The following CACNG7 variants were observed in gnomAD, a reference collection of about 807,000 sequenced individuals.
CACNG7 encodes calcium voltage-gated channel auxiliary subunit gamma 7.
A neutral mutation model predicts 26.3 loss-of-function variants in CACNG7; 9 were observed. That is an observed-to-expected ratio of 0.34 (90% confidence interval 0.21 to 0.60). The LOEUF is 0.60. Ranked by LOEUF, CACNG7 falls within the 20% of genes least tolerant of loss-of-function variation. The pLI is 0.81. For missense variants in CACNG7, 297 were observed against 380.4 expected (o/e 0.78, Z 1.82); for synonymous variants, 170 against 157.0 (o/e 1.08, Z -0.62).
At chr19:53,933,504 TTTGG>T (rs2145917006) in intron 4 of CACNG7, among the ~76,000 whole-genome samples, 1 of 148,196 alleles carries the variant, frequency 6.7e-6, no homozygotes, top group African/African-American at 2.5e-5. Flanking sequence ...TTCACCATGT[TTTGG>T]ACAGGCTGGT....
Position 53,940,786 on chromosome 19 carries a change from G to A in CACNG7, c.425-684G>A, listed in dbSNP as rs746083788. ...CTCATCCTTTAAGGCCGGGCGCGGT[G>A]GCTCAAACCTGTAATCTTAGCATTT... On this transcript the variant is annotated intron_variant, in intron 4 of 5. Transcript: ENST00000391767. The surrounding 1 kb of genome is among the most constrained non-coding windows in gnomAD (Gnocchi z 4.1). Among the ~76,000 whole-genome samples, 6 of 152,030 alleles carry A rather than the reference G, an allele frequency of 3.9e-5. No homozygotes were observed. The highest frequency in any genetic ancestry group is 1.3e-4 in the Admixed American group (2 of 15,234).
chr19:53,929,582 G>A (rs1018479379), intron 4 of CACNG7, among the ~76,000 whole-genome samples: 7 of 151,950 alleles, frequency 4.6e-5, no homozygotes, highest in Admixed American at 6.6e-5. Flanking sequence ...TCAGCCTCCC[G>A]AGTAGCTGGG....
At chr19:53,932,252 T>TAA (rs765449244) in intron 4 of CACNG7, among the ~76,000 whole-genome samples, 23 of 53,174 alleles carry the variant, frequency 4.3e-4, no homozygotes, top group African/African-American at 9.4e-4. Context: ...AGGCCCTGTC[T>TAA]AAAAAAAAAA....
intron 4 of CACNG7, among the ~76,000 whole-genome samples, chr19:53,924,518 G>A (rs112363849): frequency 1.3e-5 from 2 of 150,514 alleles, no homozygotes; most frequent in African/African-American, 4.9e-5. Context: ...CTGGTTATTG[G>A]TGGAGTTGCC....
chr19:53,915,335 C>T (rs2068889131), intron 3 of CACNG7, 30 bp from the exon 4 acceptor site: 7 of 1,553,292 alleles, frequency 4.5e-6, no homozygotes, highest in Non-Finnish European at 6.2e-6. Context: ...ATTCCCCCCT[C>T]ACCCCTGTCT....
At chr19:53,929,111 C>CAAAA (rs1157941961) in intron 4 of CACNG7, among the ~76,000 whole-genome samples, 2 of 36,450 alleles carry the variant, frequency 5.5e-5, no homozygotes, top group African/African-American at 1.3e-4. Context: ...GACTCCACCT[C>CAAAA]AAAAAAAAAA....
intron 4 of CACNG7, among the ~76,000 whole-genome samples, chr19:53,927,462 G>A (rs952740969): frequency 1.3e-5 from 2 of 152,122 alleles, no homozygotes; most frequent in South Asian, 4.1e-4. Context: ...TGCCGAAAGG[G>A]TCAGGGGGAA....
At chr19:53,937,653 C>T (rs1359835839) in intron 4 of CACNG7, among the ~76,000 whole-genome samples, 2 of 131,514 alleles carry the variant, frequency 1.5e-5, no homozygotes, top group Non-Finnish European at 1.5e-5. Context: ...TGCAGTGGCA[C>T]GATCTTGACT....
chr19:53,940,268 G>A lies in CACNG7; in HGVS notation c.425-1202G>A, dbSNP rs1159480453. Among the ~76,000 whole-genome samples the A allele has an allele frequency of 1.3e-5, 2 of 152,138 alleles. No individual in the cohort carries two copies. Among genetic ancestry groups the A allele is most frequent in the Non-Finnish European group, 2.9e-5 (2 of 68,030 alleles). ...CTCTATTTCCTCAATTGTAAATGGT[G>A]TTAAAAATGTACCTCCTTCAAAGAG... On this transcript the variant is annotated intron_variant, in intron 4 of 5. Transcript: ENST00000391767. The surrounding 1 kb of genome is among the most constrained non-coding windows in gnomAD (Gnocchi z 4.1).
At chr19:53,941,657 A>G in intron 5 of CACNG7, 42 bp downstream of exon 5, 1 of 1,592,586 alleles carries the variant, frequency 6.3e-7, no homozygotes, top group South Asian at 1.1e-5. Context: ...CTGAATGGAG[A>G]GAGGTCTTGG....
intron 4 of CACNG7, among the ~76,000 whole-genome samples, chr19:53,917,166 C>T (rs939771933): frequency 2.0e-5 from 3 of 152,174 alleles, no homozygotes; most frequent in African/African-American, 7.2e-5. Context: ...CAGTCCAATT[C>T]AGCTAAAATC....
At chr19:53,921,984 C>T (rs1186573798) in intron 4 of CACNG7, among the ~76,000 whole-genome samples, 8 of 51,994 alleles carry the variant, frequency 1.5e-4, no homozygotes, top group East Asian at 4.1e-4. Context: ...GGTGGAGTTG[C>T]CCCAGGCCTG....
At chr19:53,941,825 C>A (rs540884013) in intron 5 of CACNG7, among the ~76,000 whole-genome samples, 5 of 151,946 alleles carry the variant, frequency 3.3e-5, no homozygotes, top group Non-Finnish European at 7.4e-5. Flanking sequence ...GGTCTGGAGA[C>A]TGGGACTCCT....
In CACNG7 at chr19:53,909,975, G is replaced by A. The variant is rs1286804980; in HGVS notation, c.-30+458G>A. Among the ~76,000 whole-genome samples, 1 of 152,138 alleles carries A rather than the reference G, an allele frequency of 6.6e-6. No homozygotes were observed. ...TTCAAATGCCTGAATCCGGGAAAGGGTGGGAGAAAGAGGGAGAAGAGGAGG... is the reference window on the plus strand; with the variant it reads ...TTCAAATGCCTGAATCCGGGAAAGGATGGGAGAAAGAGGGAGAAGAGGAGG... On this transcript the variant is annotated intron_variant, in intron 1 of 5. Coordinates refer to ENST00000391767, the MANE Select transcript of CACNG7 (RefSeq NM_031896.5). This position sits in a 1 kb window ranked among gnomAD's most constrained non-coding sequence, Gnocchi z 5.1.
intron 4 of CACNG7, among the ~76,000 whole-genome samples, chr19:53,925,955 G>A (rs1267536866): frequency 6.6e-6 from 1 of 152,146 alleles, no homozygotes; most frequent in Non-Finnish European, 1.5e-5. Context: ...TTTTTTTCCA[G>A]GTCATAAGAG....
intron 4 of CACNG7, among the ~76,000 whole-genome samples, chr19:53,935,082 C>CAT (rs60940126): frequency 0.072 from 10,926 of 151,596 alleles, 1,326 homozygotes; most frequent in African/African-American, 0.25. Context: ...GTTATATATA[C>CAT]ATATATACAC....
In CACNG7 at chr19:53,942,456, A is replaced by T. The variant is rs1213756033; in HGVS notation, c.*163A>T. On this transcript the variant is annotated 3_prime_UTR_variant, in exon 6 of 6. Coordinates refer to ENST00000391767, the MANE Select transcript of CACNG7 (RefSeq NM_031896.5). This position sits in a 1 kb window ranked among gnomAD's most constrained non-coding sequence, Gnocchi z 5.9. Reference sequence around the variant, plus strand: ...CTCCTCCCAATGGCTCCGCCCACAGACTCCCTTATTTCAATGGCCGCGCCC... The same window carrying T: ...CTCCTCCCAATGGCTCCGCCCACAGTCTCCCTTATTTCAATGGCCGCGCCC... 2.7e-6 allele frequency: 4 copies of T among 1,460,402 alleles called. No individual in the cohort carries two copies. The highest frequency in any genetic ancestry group is 3.6e-6 in the Non-Finnish European group (4 of 1,112,492). 90.5% of individuals were successfully genotyped at this position (1,460,402 alleles called of 1,614,324 possible). A position where few individuals can be genotyped will look rare whatever the true frequency, so the allele number is the denominator to read the frequency against.
chr19:53,930,242 T>C lies in CACNG7; in HGVS notation c.425-11228T>C, dbSNP rs1244671389. Among the ~76,000 whole-genome samples, 4 of 151,062 alleles carry C rather than the reference T, an allele frequency of 2.6e-5. No homozygotes were observed. The East Asian group carries it at 5.9e-4, about 22-fold the overall frequency. The stretch of plus-strand genomic sequence containing the variant: ...TTTTTTTCTTGAGACAGAGTCTCAC[T>C]CTGTCACCCAGGCTGGAGTGCAATG... On this transcript the variant is annotated intron_variant, in intron 4 of 5. Coordinates refer to ENST00000391767, the MANE Select transcript of CACNG7 (RefSeq NM_031896.5).
chr19:53,929,246 T>TG (rs2069055170), intron 4 of CACNG7, among the ~76,000 whole-genome samples: 1 of 151,492 alleles, frequency 6.6e-6, no homozygotes, highest in Non-Finnish European at 1.5e-5. Flanking sequence ...TGTCCTTCAG[T>TG]GACCATCCCT....
Sources: allele counts gnomAD v4.1 joint callset (sites outside exome capture counted in the v4.1 genomes callset), GRCh38; gene constraint gnomAD v4.1.1; non-coding constraint Gnocchi (gnomAD v3.1); transcripts MANE v1.5; gene names NCBI Gene and HGNC (gene_info 2026-07-23, HGNC 2026-07-21).